The following RTL4 variants were observed in gnomAD, a reference collection of about 807,000 sequenced individuals.
The protein encoded by RTL4 is retrotransposon Gag-like protein 4.
In RTL4, 4 loss-of-function variants were observed where a neutral mutation model predicts 5.3. The observed-to-expected ratio is 0.75, with a 90% confidence interval of 0.37 to 1.72. The LOEUF (loss-of-function observed/expected upper bound fraction) is 1.72. Ranked by LOEUF, RTL4 falls within the 40% of genes most tolerant of loss-of-function variation. The pLI is 0.04. For synonymous variants in RTL4, 98 were observed against 87.3 expected (o/e 1.12, Z -0.68); for missense variants, 260 against 227.1 (o/e 1.14, Z -0.93).
the RTL4 span, among the ~76,000 whole-genome samples, chrX:112,266,147 G>T: frequency 1.8e-5 from 2 of 110,552 alleles, no homozygotes; most frequent in Non-Finnish European, 3.8e-5. Context: ...ACATGAAAAA[G>T]ACATAGATTG....
At chrX:112,185,374 T>TA in the RTL4 span, among the ~76,000 whole-genome samples, 195 of 85,819 alleles carry the variant, frequency 2.3e-3, no homozygotes, top group African/African-American at 9.5e-3. Context: ...AGCTATTTTA[T>TA]TAATATATAT....
the RTL4 span, among the ~76,000 whole-genome samples, chrX:112,168,498 G>C: frequency 9.0e-6 from 1 of 111,605 alleles, no homozygotes; most frequent in Non-Finnish European, 1.9e-5. Context: ...GTCACATGAT[G>C]AGATAGGATA....
chrX:112,193,163 A>T, the RTL4 span, among the ~76,000 whole-genome samples: 2 of 111,650 alleles, frequency 1.8e-5, no homozygotes, highest in African/African-American at 6.5e-5. Flanking sequence ...TATGGATAAC[A>T]TAATTGTAGT....
chrX:112,101,417 C>G, the RTL4 span, among the ~76,000 whole-genome samples: 5 of 110,034 alleles, frequency 4.5e-5, no homozygotes, highest in Non-Finnish European at 7.6e-5. Flanking sequence ...GACTTTTTGT[C>G]AAACAAAAAA....
At chrX:112,393,418 G>A in the RTL4 span, among the ~76,000 whole-genome samples, 14 of 110,176 alleles carry the variant, frequency 1.3e-4, no homozygotes, top group African/African-American at 4.6e-4. Flanking sequence ...CTAAGTCACC[G>A]AAATCGCAAA....
At chrX:112,141,232 C>A in the RTL4 span, among the ~76,000 whole-genome samples, 9 of 111,769 alleles carry the variant, frequency 8.1e-5, no homozygotes, top group African/African-American at 2.9e-4. Flanking sequence ...CATTGCTAAT[C>A]TGTATAAGTA....
the RTL4 span, among the ~76,000 whole-genome samples, chrX:112,115,945 A>G: frequency 8.9e-6 from 1 of 112,069 alleles, no homozygotes; most frequent in Non-Finnish European, 1.9e-5. Flanking sequence ...TGCAGGGTCA[A>G]CCATCTTTTT....
chrX:112,348,392 A>G, the RTL4 span, among the ~76,000 whole-genome samples: 1 of 107,631 alleles, frequency 9.3e-6, no homozygotes, highest in Middle Eastern at 4.7e-3. Flanking sequence ...TCTGTTTCAT[A>G]TCATTTAGGT....
the RTL4 span, among the ~76,000 whole-genome samples, chrX:112,256,475 T>C: frequency 4.4e-5 from 5 of 112,419 alleles, no homozygotes; most frequent in Non-Finnish European, 7.5e-5. Flanking sequence ...AATTTCTGTT[T>C]GTTTTTCAGC....
chrX:112,132,391 C>T, the RTL4 span, among the ~76,000 whole-genome samples: 43 of 111,279 alleles, frequency 3.9e-4, no homozygotes, highest in African/African-American at 1.4e-3. Flanking sequence ...TCCCTCTGAT[C>T]TCACAAAGGG....
chrX:112,338,745 C>T, the RTL4 span, among the ~76,000 whole-genome samples: 21 of 111,626 alleles, frequency 1.9e-4, no homozygotes, highest in Non-Finnish European at 3.4e-4. Flanking sequence ...TTCTACTACA[C>T]TCTTCTGAGA....
chrX:112,390,064 C>T, the RTL4 span, among the ~76,000 whole-genome samples: 1 of 76,445 alleles, frequency 1.3e-5, no homozygotes, highest in Non-Finnish European at 2.4e-5. Context: ...TAAGGATTTG[C>T]TTTATGAACC....
At chrX:112,265,945 C>T in the RTL4 span, among the ~76,000 whole-genome samples, 2 of 110,548 alleles carry the variant, frequency 1.8e-5, no homozygotes, top group Non-Finnish European at 3.8e-5. Context: ...CACAGTCACC[C>T]TCTCCAGAAC....
the RTL4 span, among the ~76,000 whole-genome samples, chrX:112,103,408 C>A: frequency 9.0e-6 from 1 of 110,822 alleles, no homozygotes; most frequent in South Asian, 3.8e-4. Context: ...ACAACACACA[C>A]TAGGGCCTGT....
At chrX:112,206,168 G>C in the RTL4 span, among the ~76,000 whole-genome samples, 3 of 111,494 alleles carry the variant, frequency 2.7e-5, no homozygotes, top group East Asian at 5.7e-4. Flanking sequence ...ACTTTGCTGG[G>C]CTGGATGTCA....
chrX:112,418,359 T>C, the RTL4 span, among the ~76,000 whole-genome samples: 1,563 of 111,381 alleles, frequency 0.014, 15 homozygotes, highest in Non-Finnish European at 0.022. Context: ...GTCTCTGTCA[T>C]TAAACTCTTT....
chrX:112,414,743 T>C, the RTL4 span, among the ~76,000 whole-genome samples: 4 of 111,827 alleles, frequency 3.6e-5, no homozygotes, highest in Admixed American at 1.9e-4. Flanking sequence ...CAAGTCACTT[T>C]CCTTTTTTAT....
At chrX:112,308,200 C>T in the RTL4 span, among the ~76,000 whole-genome samples, 5 of 111,035 alleles carry the variant, frequency 4.5e-5, no homozygotes, top group African/African-American at 1.6e-4. Context: ...TAAGAGGTCT[C>T]GAATCTACTA....
the RTL4 span, among the ~76,000 whole-genome samples, chrX:112,300,959 C>A: frequency 9.0e-6 from 1 of 111,353 alleles, no homozygotes; most frequent in African/African-American, 3.3e-5. Flanking sequence ...GAGACTCACA[C>A]AGACAGTGCT....
Sources: gnomAD v4.1 joint callset for allele counts (sites outside exome capture counted in the v4.1 genomes callset) on GRCh38, gnomAD v4.1.1 for gene constraint, MANE v1.5 for transcripts, NCBI Gene and HGNC (gene_info 2026-07-23, HGNC 2026-07-21) for gene names.